Variants in WWOX observed in about 807,000 individuals in gnomAD.
WWOX encodes WW domain containing oxidoreductase.
Under a neutral mutation model 46.2 loss-of-function variants are expected in WWOX, and 69 were observed. That is an observed-to-expected ratio of 1.49 (90% CI 1.23 to 1.82). WWOX has a LOEUF of 1.82. Among genes scored for constraint, WWOX ranks in the 40% most tolerant of loss-of-function variants. The probability of loss-of-function intolerance (pLI) is 0.00; values close to 1 mark genes in which losing one functional copy is unlikely to be tolerated. For synonymous variants in WWOX, 359 were observed against 202.6 expected, an observed-to-expected ratio of 1.77 and a Z score of -6.56; for missense variants, 919 against 542.6, an observed-to-expected ratio of 1.69 and a Z score of -6.89.
At chr16:78,908,777 G>A (rs566793255) in intron 8 of WWOX, among the ~76,000 whole-genome samples, 4 of 152,192 alleles carry the variant, frequency 2.6e-5, no homozygotes, top group Non-Finnish European at 5.9e-5. Context: ...AAGACCATAT[G>A]AGTCAATTTA....
intron 8 of WWOX, among the ~76,000 whole-genome samples, chr16:78,920,549 C>T (rs1053282253): frequency 6.6e-6 from 1 of 152,130 alleles, no homozygotes; most frequent in African/African-American, 2.4e-5. Context: ...GTTATTGTTT[C>T]CAAGTTCCCT....
chr16:78,404,897 C>T (rs1184314307), intron 6 of WWOX, among the ~76,000 whole-genome samples: 1 of 152,172 alleles, frequency 6.6e-6, no homozygotes, highest in Non-Finnish European at 1.5e-5. Flanking sequence ...ACTGTAACAC[C>T]AAGGAATGAG....
intron 8 of WWOX, among the ~76,000 whole-genome samples, chr16:79,008,490 C>T (rs773935010): frequency 2.6e-5 from 4 of 152,178 alleles, no homozygotes; most frequent in Non-Finnish European, 5.9e-5. Flanking sequence ...TTGCCGCCCA[C>T]ACTCAAGAGA....
chr16:78,385,958 G>T (rs536377129), intron 5 of WWOX, among the ~76,000 whole-genome samples: 4 of 152,270 alleles, frequency 2.6e-5, no homozygotes, highest in Middle Eastern at 6.8e-3. Flanking sequence ...TAGTGGGAGG[G>T]GCAACCCGGA....
chr16:78,523,714 T>C (rs2043397791), intron 8 of WWOX, among the ~76,000 whole-genome samples: 1 of 152,208 alleles, frequency 6.6e-6, no homozygotes, highest in African/African-American at 2.4e-5. Flanking sequence ...TGCTTCCCTG[T>C]TGAAAGATGC....
At chr16:78,192,377 A>G (rs1238126150) in intron 5 of WWOX, among the ~76,000 whole-genome samples, 1 of 151,436 alleles carries the variant, frequency 6.6e-6, no homozygotes, top group African/African-American at 2.4e-5. Flanking sequence ...TGTAGTCCCA[A>G]GCTACTCAGG....
At chr16:78,886,291 A>G (rs75455108) in intron 8 of WWOX, among the ~76,000 whole-genome samples, 5,434 of 151,944 alleles carry the variant, frequency 0.036, 357 homozygotes, top group African/African-American at 0.12. Flanking sequence ...CTTTAAAAAA[A>G]AAAAGCATTT....
At chr16:78,880,066 G>T (rs111384880) in intron 8 of WWOX, among the ~76,000 whole-genome samples, 1 of 152,166 alleles carries the variant, frequency 6.6e-6, no homozygotes, top group Non-Finnish European at 1.5e-5. Flanking sequence ...GACATGATAC[G>T]AGTTGATGAT....
intron 8 of WWOX, among the ~76,000 whole-genome samples, chr16:79,126,615 T>A (rs1338672018): frequency 5.3e-5 from 8 of 152,202 alleles, no homozygotes; most frequent in Non-Finnish European, 1.2e-4. Context: ...CAATTAAACC[T>A]CTTTCCTTTA....
chr16:78,216,904 G>A lies in WWOX; in HGVS notation c.516+52615G>A, dbSNP rs142178620. Among the ~76,000 whole-genome samples the A allele has an allele frequency of 3.4e-4, 52 of 152,138 alleles. No homozygotes were observed. The East Asian group carries it at 9.9e-3, about 29-fold the overall frequency. ...ATGCCACCATGCCAGCTAATTTTTAGTAGAGATGGGGTTTCACCATGTTGG... is the reference window on the plus strand; with the variant it reads ...ATGCCACCATGCCAGCTAATTTTTAATAGAGATGGGGTTTCACCATGTTGG... On this transcript the variant is annotated intron_variant, in intron 5 of 8. Coordinates refer to ENST00000566780, the MANE Select transcript of WWOX (RefSeq NM_016373.4).
At chr16:79,209,206 G>A (rs1358221812) in intron 8 of WWOX, among the ~76,000 whole-genome samples, 2 of 152,186 alleles carry the variant, frequency 1.3e-5, no homozygotes, top group Admixed American at 6.5e-5. Flanking sequence ...ATGAAATGAA[G>A]CCAGTTGTAA....
At chr16:78,750,298 C>T (rs1597545011) in intron 8 of WWOX, among the ~76,000 whole-genome samples, 1 of 152,026 alleles carries the variant, frequency 6.6e-6, no homozygotes, top group African/African-American at 2.4e-5. Context: ...AAATGAGAGG[C>T]ACAAAATTTC....
At chr16:79,137,503 C>G (rs1431917745) in intron 8 of WWOX, among the ~76,000 whole-genome samples, 1 of 152,170 alleles carries the variant, frequency 6.6e-6, no homozygotes, top group African/African-American at 2.4e-5. Flanking sequence ...CTTTCTCTCA[C>G]TTGGAGTGAC....
intron 8 of WWOX, among the ~76,000 whole-genome samples, chr16:78,915,379 T>C (rs1431415967): frequency 2.6e-5 from 4 of 152,110 alleles, no homozygotes; most frequent in Non-Finnish European, 4.4e-5. Flanking sequence ...GGCTGGGAGA[T>C]TTTTCCATCT....
At chr16:78,174,513 C>T (rs73566386) in intron 5 of WWOX, among the ~76,000 whole-genome samples, 13,476 of 152,228 alleles carry the variant, frequency 0.089, 608 homozygotes, top group Non-Finnish European at 0.1. Flanking sequence ...TACCCCAGCC[C>T]TCCAAAATTC....
chr16:79,086,180 G>C (rs2048851156), intron 8 of WWOX, among the ~76,000 whole-genome samples: 2 of 151,938 alleles, frequency 1.3e-5, no homozygotes, highest in Admixed American at 1.3e-4. Flanking sequence ...TTTTCTCTTT[G>C]TAAAAATGAA....
At chr16:78,266,888 C>T (rs887827010) in intron 5 of WWOX, among the ~76,000 whole-genome samples, 2 of 150,476 alleles carry the variant, frequency 1.3e-5, no homozygotes, top group African/African-American at 4.9e-5. Flanking sequence ...ATCCAAATCT[C>T]AACTTGAATT....
At chr16:78,858,998 AT>A (rs1402875419) in intron 8 of WWOX, among the ~76,000 whole-genome samples, 27,858 of 54,460 alleles carry the variant, frequency 0.51, 6,607 homozygotes, top group Middle Eastern at 0.6. Flanking sequence ...TAGTTTTGAA[AT>A]TTAAAAAAAA....
At chr16:78,989,505 A>C (rs759307431) in intron 8 of WWOX, among the ~76,000 whole-genome samples, 5 of 152,110 alleles carry the variant, frequency 3.3e-5, no homozygotes, top group Non-Finnish European at 5.9e-5. Context: ...CTCCACCACC[A>C]GTCAAAGGTA....
Sources: gnomAD v4.1 joint callset for allele counts (sites outside exome capture counted in the v4.1 genomes callset) on GRCh38, gnomAD v4.1.1 for gene constraint, MANE v1.5 for transcripts, NCBI Gene and HGNC (gene_info 2026-07-23, HGNC 2026-07-21) for gene names.